Variants in ATRN observed in about 807,000 individuals in gnomAD.
The protein encoded by ATRN is attractin-2.
ATRN carries 54 observed loss-of-function variants against 178.7 expected under a neutral mutation model. The observed-to-expected ratio is 0.30, with a 90% CI of 0.24 to 0.38. The LOEUF is 0.38. ATRN is among the 10% of genes least tolerant of loss of function. The pLI is 1.00. For missense variants in ATRN, 1,443 were observed against 1,815.1 expected (o/e 0.79, Z 3.73); for synonymous variants, 636 against 663.0 (o/e 0.96, Z 0.63).
At position 3,576,695 on chromosome 20, in the gene ATRN, GTCTA is replaced by G. The variant is rs1555819445; in HGVS notation, c.2215-128_2215-125del. On this transcript the variant is annotated intron_variant, in intron 13 of 28. Coordinates refer to ENST00000262919, the MANE Select transcript of ATRN (RefSeq NM_139321.3). ...TATCTATCTATCTGTCTGTCTGTCT[GTCTA>G]TCTATCTATCTATCTATCTATCTAT... 8.8e-3 allele frequency among the ~76,000 whole-genome samples: 1,247 copies of G among 142,372 alleles called. 24 individuals are homozygous for G. Among genetic ancestry groups the G allele is most frequent in the African/African-American group, 0.03 (1,159 of 38,254 alleles). 93.4% of individuals were successfully genotyped at this position (142,372 alleles called of 152,430 possible).
intron 1 of ATRN, among the ~76,000 whole-genome samples, chr20:3,503,094 A>T (rs2084986208): frequency 6.6e-6 from 1 of 152,158 alleles, no homozygotes; most frequent in Non-Finnish European, 1.5e-5. Flanking sequence ...CCTCTCAGGC[A>T]GTGCCAGCAG....
At chr20:3,546,472 A>T (rs980736863) in intron 4 of ATRN, among the ~76,000 whole-genome samples, 5 of 148,304 alleles carry the variant, frequency 3.4e-5, no homozygotes, top group African/African-American at 1.2e-4. Context: ...GATCACTGCA[A>T]CCTCCACCTC....
intron 1 of ATRN, among the ~76,000 whole-genome samples, chr20:3,492,466 C>T (rs922069018): frequency 6.6e-6 from 1 of 152,002 alleles, no homozygotes; most frequent in Non-Finnish European, 1.5e-5. Context: ...CTGTAGGGTG[C>T]TTAGTAGGCT....
chr20:3,588,500 G>A (rs1170565458), intron 18 of ATRN, among the ~76,000 whole-genome samples: 3 of 152,100 alleles, frequency 2.0e-5, no homozygotes, highest in Admixed American at 1.3e-4. Context: ...TGTTAAACCA[G>A]TTTTGCATTC....
intron 1 of ATRN, among the ~76,000 whole-genome samples, chr20:3,486,512 A>G (rs2084696175): frequency 6.6e-6 from 1 of 152,008 alleles, no homozygotes; most frequent in Non-Finnish European, 1.5e-5. Context: ...AGTTCAAGCG[A>G]TTCTGGTGCT....
At chr20:3,623,515 A>G (rs909138832) in intron 24 of ATRN, among the ~76,000 whole-genome samples, 2 of 152,188 alleles carry the variant, frequency 1.3e-5, no homozygotes, top group Non-Finnish European at 2.9e-5. Context: ...CTGGCTCTAA[A>G]AACAGTGCAA....
chr20:3,528,360 C>T (rs1253095739), intron 1 of ATRN, among the ~76,000 whole-genome samples: 16 of 143,312 alleles, frequency 1.1e-4, no homozygotes. Context: ...GGGCGAAACT[C>T]CGTCTCAAAA....
rs967399396 is a variant in ATRN at position 3,638,538 on chromosome 20, G to A, written c.3943-290G>A. Among the ~76,000 whole-genome samples the A allele has an allele frequency of 6.6e-6, 1 of 152,138 alleles. No homozygotes were observed. The highest frequency in any genetic ancestry group is 6.6e-5 in the Admixed American group (1 of 15,266). On this transcript the variant is annotated intron_variant, in intron 26 of 28. Transcript: ENST00000262919. This position sits in a 1 kb window ranked among gnomAD's most constrained non-coding sequence, Gnocchi z 4.5. ...TCTTTATCCAGTCTATCATTGATGGGCATTTGGGTTGGTTCTAAGTCTTCG... is the reference window on the plus strand; with the variant it reads ...TCTTTATCCAGTCTATCATTGATGGACATTTGGGTTGGTTCTAAGTCTTCG...
chr20:3,616,196 C>T (rs2086845061), intron 24 of ATRN, among the ~76,000 whole-genome samples: 1 of 152,142 alleles, frequency 6.6e-6, no homozygotes, highest in Non-Finnish European at 1.5e-5. Flanking sequence ...CTCATCCACA[C>T]CATCTGGGAA....
chr20:3,547,433 G>A lies in ATRN; in HGVS notation c.887G>A (p.Arg296Gln), dbSNP rs1466163945. The A allele has an allele frequency of 6.8e-6, 11 of 1,614,134 alleles. No homozygotes were observed. Among genetic ancestry groups the A allele is most frequent in the Non-Finnish European group, 9.3e-6 (11 of 1,180,008 alleles). Residue 296 changes from arginine to glutamine, a missense_variant, in exon 5 of 29, where the codon CGA (arginine) becomes CAA (glutamine). Physicochemically the swap from Arg to Gln is conservative, Grantham distance 43. This residue lies in a region of ATRN where 862 missense variants were observed against 972.1 expected (regional missense o/e 0.89). Coordinates refer to ENST00000262919, the MANE Select transcript of ATRN (RefSeq NM_139321.3). ...ACAGACAACTGTGGTTTTCCTCATC[G>A]AGGCATCTGCAATTCAAGTGATGTC... ...HCTDNCGFPH[R>Q]GICNSSDVRG...
At chr20:3,567,043 C>T (rs2086046860) in intron 11 of ATRN, among the ~76,000 whole-genome samples, 3 of 151,888 alleles carry the variant, frequency 2.0e-5, no homozygotes. Context: ...CGTTTTTTAG[C>T]AATGTGTATG....
At chr20:3,542,647 C>T (rs1449472487) in intron 3 of ATRN, among the ~76,000 whole-genome samples, 1 of 140,504 alleles carries the variant, frequency 7.1e-6, no homozygotes, top group African/African-American at 2.7e-5. Context: ...CTTCCCCTTC[C>T]CTTTTCCTTT....
chr20:3,574,729 A>T (rs894678963), intron 12 of ATRN, among the ~76,000 whole-genome samples: 1 of 152,256 alleles, frequency 6.6e-6, no homozygotes, highest in African/African-American at 2.4e-5. Context: ...TTAGGTGTTC[A>T]TATCAACCCA....
intron 24 of ATRN, among the ~76,000 whole-genome samples, chr20:3,605,624 A>C (rs1308542344): frequency 6.6e-6 from 1 of 152,230 alleles, no homozygotes; most frequent in African/African-American, 2.4e-5. Flanking sequence ...ATGGAGCTGG[A>C]GGCCATTATC....
chr20:3,610,293 C>T (rs1411037269), intron 24 of ATRN, among the ~76,000 whole-genome samples: 2 of 152,148 alleles, frequency 1.3e-5, no homozygotes, highest in African/African-American at 4.8e-5. Flanking sequence ...TTAAGGCTTA[C>T]TATTTAGGTA....
chr20:3,563,152 C>T, intron 9 of ATRN, 57 bp from the exon 10 acceptor site: 6 of 1,478,892 alleles, frequency 4.1e-6, no homozygotes, highest in Non-Finnish European at 5.6e-6. Flanking sequence ...TTAGCAGATA[C>T]ATAAATATTC....
intron 6 of ATRN, among the ~76,000 whole-genome samples, chr20:3,551,428 C>A (rs1484126283): frequency 6.6e-6 from 1 of 152,160 alleles, no homozygotes; most frequent in African/African-American, 2.4e-5. Flanking sequence ...ACTGAGACCA[C>A]CTTTTTACTT....
In ATRN at chr20:3,553,554, C is replaced by T. The variant is rs138658378; in HGVS notation, c.1112+4216C>T. On this transcript the variant is annotated intron_variant, in intron 6 of 28. Transcript: ENST00000262919. The stretch of plus-strand genomic sequence containing the variant: ...ATATCATTTACTACCTTCTTAAAAC[C>T]CATCAGTGTCTTGCCTTTGGACTTA... Among the ~76,000 whole-genome samples, 35 of 152,256 alleles carry T rather than the reference C, an allele frequency of 2.3e-4. No individual in the cohort carries two copies. The East Asian group carries it at 5.6e-3, about 24-fold the overall frequency.
chr20:3,482,054 G>A (rs1273525710), intron 1 of ATRN, among the ~76,000 whole-genome samples: 5 of 151,292 alleles, frequency 3.3e-5, no homozygotes, highest in Non-Finnish European at 7.4e-5. Context: ...ATGGACTCCC[G>A]TAGGAATTAA....
Sources: gnomAD v4.1 joint callset for allele counts (sites outside exome capture counted in the v4.1 genomes callset) on GRCh38, gnomAD v4.1.1 for gene constraint, gnomAD v4.1.1 regional missense constraint, Gnocchi (gnomAD v3.1) non-coding constraint, MANE v1.5 for transcripts, NCBI Gene and HGNC (gene_info 2026-07-23, HGNC 2026-07-21) for gene names.